Variants in INTS9 observed in about 807,000 individuals in gnomAD.
The protein encoded by INTS9 is protein related to CPSF subunits of 74 kDa.
INTS9 carries 55 observed loss-of-function variants against 79.7 expected under a neutral mutation model. The observed-to-expected ratio is 0.69, with a 90% CI of 0.56 to 0.86. The LOEUF (loss-of-function observed/expected upper bound fraction) is 0.86, where lower values mean the gene tolerates loss of function less well. INTS9 is among the 40% of genes least tolerant of loss of function. The pLI, the probability that INTS9 is intolerant of heterozygous loss-of-function variation, is 0.00. For synonymous variants in INTS9, 319 were observed against 325.2 expected, an observed-to-expected ratio of 0.98 and a Z score of 0.20; for missense variants, 721 against 831.5, an observed-to-expected ratio of 0.87 and a Z score of 1.64.
chr8:28,882,447 A>T (rs1809916696), intron 1 of INTS9, among the ~76,000 whole-genome samples: 1 of 145,938 alleles, frequency 6.9e-6, no homozygotes, highest in Non-Finnish European at 1.5e-5. Context: ...GAAACACCCA[A>T]GAATGATCAA....
At position 28,775,940 on chromosome 8, in the gene INTS9, G is replaced by A. The variant is rs982756388; in HGVS notation, c.1396-14C>T. ...CACGTGCAGGGGCTGAGGAACCAAT[G>A]GGACAGTTGAGAAAGGTGGTGTGAA... On this transcript the variant is annotated splice_polypyrimidine_tract_variant and intron_variant, in intron 13 of 16. Transcript: ENST00000521022. The A allele has an allele frequency of 2.6e-6, 4 of 1,533,102 alleles. No individual in the cohort carries two copies. The South Asian group carries it at 5.1e-5, about 19-fold the overall frequency. The allele number at this position is 1,533,102 out of a possible 1,614,324, so 95.0% of individuals were successfully genotyped here.
In INTS9 at chr8:28,837,693, C is replaced by T; in HGVS notation, c.345G>A (p.Glu115=). The T allele has an allele frequency of 6.2e-7, 1 of 1,613,938 alleles. No individual in the cohort carries two copies. Among genetic ancestry groups the T allele is most frequent in the Non-Finnish European group, 8.5e-7 (1 of 1,180,002 alleles). ...HCMMALPYIT[E]HTGFTGTVYA... is the part of the protein sequence containing the mutation. ...ACACTGTGCCTGTGAAGCCGGTGTG[C>T]TCGGTGATGTATGGCAGCGCCATCA... Residue 115 remains glutamate, a synonymous_variant, in exon 5 of 17, where the codon GAG becomes GAA. Coordinates refer to ENST00000521022, the MANE Select transcript of INTS9 (RefSeq NM_018250.4).
In INTS9 at chr8:28,816,604, C is replaced by G. The variant is rs577986253; in HGVS notation, c.489-2992G>C. 3.3e-3 allele frequency among the ~76,000 whole-genome samples: 487 copies of G among 146,990 alleles called. 2 individuals are homozygous for G. Among genetic ancestry groups the G allele is most frequent in the African/African-American group, 0.012 (461 of 38,998 alleles). On this transcript the variant is annotated intron_variant, in intron 6 of 16. Coordinates refer to ENST00000521022, the MANE Select transcript of INTS9 (RefSeq NM_018250.4). Reference sequence around the variant, plus strand: ...GTCTTTGCTATTGTGAATAGTGCCGCAATAAACATACGTGTGCATGTGTCT... The same window carrying G: ...GTCTTTGCTATTGTGAATAGTGCCGGAATAAACATACGTGTGCATGTGTCT...
chr8:28,789,599 A>T (rs931407630), intron 10 of INTS9, among the ~76,000 whole-genome samples: 1 of 152,146 alleles, frequency 6.6e-6, no homozygotes, highest in Non-Finnish European at 1.5e-5. Context: ...CTGCTTGTTC[A>T]AAAAAGGATC....
intron 1 of INTS9, among the ~76,000 whole-genome samples, chr8:28,870,458 C>A (rs1202149408): frequency 7.2e-6 from 1 of 138,996 alleles, no homozygotes; most frequent in Non-Finnish European, 1.5e-5. Flanking sequence ...AAATGTGCAA[C>A]AATGGCAACT....
At chr8:28,861,712 A>G (rs989430366) in intron 1 of INTS9, among the ~76,000 whole-genome samples, 13 of 152,236 alleles carry the variant, frequency 8.5e-5, no homozygotes, top group Admixed American at 6.5e-4. Flanking sequence ...ACACCAGAAA[A>G]CAGAATATGT....
chr8:28,841,948 G>C (rs1807210316), intron 4 of INTS9, among the ~76,000 whole-genome samples: 1 of 152,040 alleles, frequency 6.6e-6, no homozygotes, highest in African/African-American at 2.4e-5. Flanking sequence ...AATTAGCCAG[G>C]CATGGTGTTG....
chr8:28,801,688 T>G (rs1000936088), intron 8 of INTS9, among the ~76,000 whole-genome samples: 3 of 152,188 alleles, frequency 2.0e-5, no homozygotes, highest in Non-Finnish European at 4.4e-5. Flanking sequence ...CTCAGCTCAC[T>G]GCAGCCTCAA....
chr8:28,839,202 A>G (rs1409612464), intron 4 of INTS9, among the ~76,000 whole-genome samples: 4 of 152,156 alleles, frequency 2.6e-5, no homozygotes, highest in African/African-American at 7.2e-5. Flanking sequence ...TGCTTCAAAG[A>G]AAATAAAATA....
At chr8:28,832,263 G>C (rs1245177403) in intron 6 of INTS9, among the ~76,000 whole-genome samples, 1 of 152,182 alleles carries the variant, frequency 6.6e-6, no homozygotes, top group Non-Finnish European at 1.5e-5. Flanking sequence ...CTGGGAACAA[G>C]AATGTGGTAC....
chr8:28,790,136 C>A (rs1167304598), intron 10 of INTS9, among the ~76,000 whole-genome samples: 1 of 152,118 alleles, frequency 6.6e-6, no homozygotes, highest in East Asian at 1.9e-4. Flanking sequence ...AGCCAGGGAA[C>A]CAGAGTGATA....
chr8:28,795,639 C>CAA lies in INTS9; in HGVS notation c.856+903_856+904dup, dbSNP rs56910832. On this transcript the variant is annotated intron_variant, in intron 9 of 16. Coordinates refer to ENST00000521022, the MANE Select transcript of INTS9 (RefSeq NM_018250.4). ...TGGGCAACAGAGCAAGACTCCGTCTCAAAAAAAAAAAAAAAAAAAAAAAAA... is the reference window on the plus strand; with the variant it reads ...TGGGCAACAGAGCAAGACTCCGTCTCAAAAAAAAAAAAAAAAAAAAAAAAAAA... 3.0e-4 allele frequency among the ~76,000 whole-genome samples: 21 copies of CAA among 70,830 alleles called. 1 individual carries two copies. The highest frequency in any genetic ancestry group is 5.7e-4 in the Admixed American group (3 of 5,282). The allele number at this position is 70,830 out of a possible 152,430, so 46.5% of individuals were successfully genotyped here. A position where few individuals can be genotyped will look rare whatever the true frequency, so the allele number is the denominator to read the frequency against.
intron 1 of INTS9, among the ~76,000 whole-genome samples, chr8:28,860,370 A>G (rs929097401): frequency 6.6e-6 from 1 of 152,248 alleles, no homozygotes; most frequent in African/African-American, 2.4e-5. Flanking sequence ...GAAGAAAAGA[A>G]ATGGAAGAAG....
At chr8:28,807,537 C>A (rs143324929) in intron 8 of INTS9, among the ~76,000 whole-genome samples, 1 of 152,226 alleles carries the variant, frequency 6.6e-6, no homozygotes, top group African/African-American at 2.4e-5. Flanking sequence ...AGATTGTAAT[C>A]AAGCAAGATT....
chr8:28,787,855 G>C lies in INTS9; in HGVS notation c.1072C>G (p.Pro358Ala), dbSNP rs767536500. ...TCTGCATGAGGAAAAGGTGGTTCTG[G>C]AAGATACACCTTACTCTGTTTGTTG... The part of the protein sequence containing the change: ...CHNKQSKVYL[P>A]EPPFPHAELI... The change falls in exon 11 of 17, where the codon CCA becomes GCA. Residue 358 changes from proline (P) to alanine (A), a missense_variant. Around this residue, in one of 3 missense-constraint regions of INTS9, gnomAD observed 149 missense variants for 223.7 expected, o/e 0.67. Transcript: ENST00000521022. 1 of 1,608,350 alleles carries C rather than the reference G, an allele frequency of 6.2e-7. No homozygotes were observed. Among genetic ancestry groups the C allele is most frequent in the Admixed American group, 1.7e-5 (1 of 59,958 alleles).
chr8:28,873,844 A>C (rs1446691081), intron 1 of INTS9, among the ~76,000 whole-genome samples: 1 of 152,146 alleles, frequency 6.6e-6, no homozygotes, highest in African/African-American at 2.4e-5. Context: ...CCTTCCCACT[A>C]TCTCTTCCTC....
At chr8:28,833,655 A>G (rs563991478) in intron 6 of INTS9, among the ~76,000 whole-genome samples, 1 of 151,500 alleles carries the variant, frequency 6.6e-6, no homozygotes, top group Non-Finnish European at 1.5e-5. Context: ...AAAACCAAAA[A>G]AAAAACAAAA....
At chr8:28,851,273 C>G (rs963499587) in intron 2 of INTS9, among the ~76,000 whole-genome samples, 2 of 151,896 alleles carry the variant, frequency 1.3e-5, no homozygotes, top group Non-Finnish European at 2.9e-5. Context: ...GATGCTAAGT[C>G]TGTAATTAGA....
In INTS9 at chr8:28,793,917, C is replaced by T. The variant is rs138901254; in HGVS notation, c.927G>A (p.Leu309=). Reference sequence around the variant, plus strand: ...AGTCGATGTACTGATATAGGCACTCCAGGAGGTCATAGATCACTCCAGAAG... The same window carrying T: ...AGTCGATGTACTGATATAGGCACTCTAGGAGGTCATAGATCACTCCAGAAG... ...CYPSGVIYDL[L]ECLYQYIDSA... The change falls in exon 10 of 17, where the codon CTG becomes CTA. Residue 309 remains leucine (L), a synonymous_variant. Transcript: ENST00000521022. 9,129 of 1,613,970 alleles carry T rather than the reference C, an allele frequency of 5.7e-3. 45 individuals carry two copies. Among genetic ancestry groups the T allele is most frequent in the South Asian group, 9.8e-3 (891 of 91,064 alleles).
Sources: gnomAD v4.1 joint callset for allele counts (sites outside exome capture counted in the v4.1 genomes callset) on GRCh38, gnomAD v4.1.1 for gene constraint, gnomAD v4.1.1 regional missense constraint, MANE v1.5 for transcripts, NCBI Gene and HGNC (gene_info 2026-07-23, HGNC 2026-07-21) for gene names.